The following DYNC2I1 variants were observed in gnomAD, a reference collection of about 807,000 sequenced individuals.
DYNC2I1 encodes the protein cytoplasmic dynein 2 intermediate chain 1.
Under a neutral mutation model 133.4 loss-of-function variants are expected in DYNC2I1, and 89 were observed. The observed-to-expected ratio is 0.67, with a 90% confidence interval of 0.56 to 0.80. The LOEUF is 0.80. Among genes scored for constraint, DYNC2I1 ranks in the 30% least tolerant of loss-of-function variants. DYNC2I1 has a pLI of 0.00. For synonymous variants in DYNC2I1, 504 were observed against 484.3 expected, an observed-to-expected ratio of 1.04 and a Z score of -0.54; for missense variants, 1,291 against 1,314.5, an observed-to-expected ratio of 0.98 and a Z score of 0.28.
At chr7:158,942,549 G>T (rs1235442893) in intron 24 of DYNC2I1, among the ~76,000 whole-genome samples, 3 of 152,220 alleles carry the variant, frequency 2.0e-5, no homozygotes, top group Non-Finnish European at 4.4e-5. Flanking sequence ...TAGTCTATTG[G>T]ATTAACAGAT....
intron 10 of DYNC2I1, chr7:158,903,460 T>C (rs895930947): frequency 6.6e-6 from 1 of 152,250 alleles, no homozygotes; most frequent in African/African-American, 2.4e-5. Context: ...CAGTTAATTA[T>C]AGTTAGTAAT....
chr7:158,894,362 T>C (rs1420117479), intron 8 of DYNC2I1, among the ~76,000 whole-genome samples: 1 of 152,232 alleles, frequency 6.6e-6, no homozygotes, highest in Non-Finnish European at 1.5e-5. Context: ...GCGTTTTGCT[T>C]TCTCAGCATT....
Position 158,926,433 on chromosome 7 carries a change from C to T in DYNC2I1, c.2403C>T (p.Ser801=). 3 of 1,613,522 alleles carry T rather than the reference C, an allele frequency of 1.9e-6. No homozygotes were observed. Among genetic ancestry groups the T allele is most frequent in the African/African-American group, 1.3e-5 (1 of 75,048 alleles). ...EMSGLSFHIA[S]LDESGVLNVW... ...CAGGTTTGTCCTTCCACATCGCTTC[C>T]TTGGATGAGAGTGGGGTTCTCAATG... Residue 801 remains serine (S), a synonymous_variant, in exon 19 of 25, where the codon TCC becomes TCT. Transcript: ENST00000407559.
chr7:158,875,072 C>T (rs1443864654), intron 3 of DYNC2I1, among the ~76,000 whole-genome samples: 1 of 149,630 alleles, frequency 6.7e-6, no homozygotes, highest in Non-Finnish European at 1.5e-5. Flanking sequence ...TAGAAGAGTG[C>T]TCAGTGCTTG....
At chr7:158,931,132 A>C (rs1249567743) in intron 21 of DYNC2I1, among the ~76,000 whole-genome samples, 1 of 152,254 alleles carries the variant, frequency 6.6e-6, no homozygotes, top group Non-Finnish European at 1.5e-5. Context: ...CAGGAACCAG[A>C]AACATTGATA....
intron 10 of DYNC2I1, chr7:158,903,911 A>G (rs28421299): frequency 3.9e-5 from 6 of 152,268 alleles, no homozygotes; most frequent in African/African-American, 1.4e-4. Context: ...TTACAAGATT[A>G]GAATTTACAA....
At chr7:158,901,887 A>G in intron 9 of DYNC2I1, 71 bp downstream of exon 9, 3 of 1,136,446 alleles carry the variant, frequency 2.6e-6, no homozygotes, top group Non-Finnish European at 3.7e-6. Context: ...TATATATAGT[A>G]ATTTGATGTC....
At chr7:158,935,458 C>G (rs1260559283) in intron 23 of DYNC2I1, among the ~76,000 whole-genome samples, 1 of 152,252 alleles carries the variant, frequency 6.6e-6, no homozygotes, top group Non-Finnish European at 1.5e-5. Context: ...CAGATATCCC[C>G]TTCTCTCACT....
intron 21 of DYNC2I1, among the ~76,000 whole-genome samples, chr7:158,930,779 C>G (rs1471564155): frequency 1.3e-5 from 2 of 152,158 alleles, no homozygotes; most frequent in East Asian, 3.8e-4. Context: ...AGCGATTCTC[C>G]TGTTCAGCCT....
intron 24 of DYNC2I1, among the ~76,000 whole-genome samples, chr7:158,944,783 G>A (rs566663155): frequency 6.6e-6 from 1 of 152,318 alleles, no homozygotes; most frequent in African/African-American, 2.4e-5. Context: ...AAGGACAAGT[G>A]GGAGTGAAGC....
chr7:158,857,238 T>C (rs1350590388), intron 1 of DYNC2I1, among the ~76,000 whole-genome samples: 1 of 152,224 alleles, frequency 6.6e-6, no homozygotes, highest in African/African-American at 2.4e-5. Flanking sequence ...TAACATGTCT[T>C]GTTTCCTAAT....
At chr7:158,933,915 G>A (rs1850480284) in intron 21 of DYNC2I1, among the ~76,000 whole-genome samples, 1 of 152,212 alleles carries the variant, frequency 6.6e-6, no homozygotes, top group African/African-American at 2.4e-5. Flanking sequence ...AGATATAGCT[G>A]AAGAAAGAAT....
downstream of DYNC2I1, among the ~76,000 whole-genome samples, chr7:158,957,227 TC>T (rs1852220771): frequency 6.6e-6 from 1 of 152,196 alleles, no homozygotes; most frequent in East Asian, 1.9e-4. Flanking sequence ...TCATCCAGAC[TC>T]ACTGCACGTC....
At chr7:158,918,611 T>C (rs1490539680) in intron 14 of DYNC2I1, 129 bp from the exon 15 acceptor site, 16 of 1,029,210 alleles carry the variant, frequency 1.6e-5, no homozygotes. Flanking sequence ...GTTTTTCTTG[T>C]AGTTATGATA....
In DYNC2I1 at chr7:158,916,033, G is replaced by A. The variant is rs1230816799; in HGVS notation, c.1791+1712G>A. Among the ~76,000 whole-genome samples the A allele has an allele frequency of 7.0e-3, 554 of 79,688 alleles. 110 individuals are homozygous for A. Among genetic ancestry groups the A allele is most frequent in the Non-Finnish European group, 9.3e-3 (306 of 32,918 alleles). The allele number at this position is 79,688 out of a possible 152,430, so 52.3% of individuals were successfully genotyped here. ...AAGGATGATTGTGAAACGTCTACAC[G>A]CTGGTTGAGATTAAGGATGATTGTG... On this transcript the variant is annotated intron_variant, in intron 14 of 24. Coordinates refer to ENST00000407559, the MANE Select transcript of DYNC2I1 (RefSeq NM_018051.5).
intron 4 of DYNC2I1, among the ~76,000 whole-genome samples, chr7:158,952,474 C>T (rs1336733629): frequency 6.6e-6 from 1 of 152,172 alleles, no homozygotes; most frequent in Non-Finnish European, 1.5e-5. Flanking sequence ...ATGGGGTCTC[C>T]AATGCCAGTT....
rs544784848 is a variant in DYNC2I1, at chr7:158,873,461, G to A, written c.490+1899G>A. On this transcript the variant is annotated intron_variant, in intron 3 of 24. Coordinates refer to ENST00000407559, the MANE Select transcript of DYNC2I1 (RefSeq NM_018051.5). ...GCCATTTGAGTCGTTTGAAGATTTA[G>A]ACTATTAGGAATAAGGCTGCTAAGA... Among the ~76,000 whole-genome samples, 7 of 152,220 alleles carry A rather than the reference G, an allele frequency of 4.6e-5. No individual in the cohort carries two copies. In the East Asian group the frequency reaches 1.4e-3, roughly 29 times the overall value.
chr7:158,952,110 CAGAAG>C (rs1852072240), intron 4 of DYNC2I1, among the ~76,000 whole-genome samples: 1 of 152,164 alleles, frequency 6.6e-6, no homozygotes, highest in African/African-American at 2.4e-5. Flanking sequence ...GGAAGAGGAG[CAGAAG>C]AATCCACCAG....
At chr7:158,893,797 CAT>C (rs1222356322) in intron 8 of DYNC2I1, among the ~76,000 whole-genome samples, 2 of 152,102 alleles carry the variant, frequency 1.3e-5, no homozygotes, top group African/African-American at 2.4e-5. Flanking sequence ...TATTGTAATG[CAT>C]GTCACACCGC....
Sources: gnomAD v4.1 joint callset for allele counts (sites outside exome capture counted in the v4.1 genomes callset) on GRCh38, gnomAD v4.1.1 for gene constraint, MANE v1.5 for transcripts, NCBI Gene and HGNC (gene_info 2026-07-23, HGNC 2026-07-21) for gene names.